SCUBE1: variants seen among roughly 807,000 people sequenced by gnomAD.
SCUBE1 encodes the protein signal peptide, CUB domain and EGF like domain containing 1.
In SCUBE1, 59 loss-of-function variants were observed where a neutral mutation model predicts 124.4. That is an observed-to-expected ratio of 0.47 (90% confidence interval 0.38 to 0.59). The LOEUF is 0.59. Ranked by LOEUF, SCUBE1 falls within the 20% of genes least tolerant of loss-of-function variation. SCUBE1 has a pLI of 0.00. For missense variants in SCUBE1, 1,150 were observed against 1,371.2 expected, an observed-to-expected ratio of 0.84 and a Z score of 2.55; for synonymous variants, 545 against 550.9, an observed-to-expected ratio of 0.99 and a Z score of 0.15.
chr22:43,296,996 G>C (rs1056035222), intron 3 of SCUBE1, among the ~76,000 whole-genome samples: 1 of 152,250 alleles, frequency 6.6e-6, no homozygotes, highest in African/African-American at 2.4e-5. Flanking sequence ...TCAGAGGTGG[G>C]AGAAGGGAAG....
intron 2 of SCUBE1, among the ~76,000 whole-genome samples, chr22:43,337,797 C>A (rs182305898): frequency 3.5e-4 from 54 of 152,342 alleles, no homozygotes; most frequent in African/African-American, 1.2e-3. Flanking sequence ...CTGTAAACGC[C>A]TTATACAGAA....
At chr22:43,319,558 C>CAAAAAAAAAAAAAA (rs35230785) in intron 3 of SCUBE1, among the ~76,000 whole-genome samples, 1 of 55,214 alleles carries the variant, frequency 1.8e-5, no homozygotes, top group African/African-American at 8.3e-5. Flanking sequence ...GACTCCATCT[C>CAAAAAAAAAAAAAA]AAAAAAAAAA....
At chr22:43,250,952 G>A (rs1288483543) in intron 6 of SCUBE1, among the ~76,000 whole-genome samples, 1 of 152,208 alleles carries the variant, frequency 6.6e-6, no homozygotes, top group Non-Finnish European at 1.5e-5. Flanking sequence ...CCACAGGGCT[G>A]GGACTTTGGC....
chr22:43,301,906 G>A (rs1200166582), intron 3 of SCUBE1, among the ~76,000 whole-genome samples: 3 of 152,236 alleles, frequency 2.0e-5, no homozygotes, highest in Non-Finnish European at 4.4e-5. Context: ...GTCCCACCAA[G>A]GATGAGCTGC....
Position 43,211,113 on chromosome 22 carries a change from G to C in SCUBE1, c.2222-30C>G, listed in dbSNP as rs748238475. 13 of 1,584,222 alleles carry C rather than the reference G, an allele frequency of 8.2e-6. No homozygotes were observed. The highest frequency in any genetic ancestry group is 1.0e-5 in the Non-Finnish European group (12 of 1,164,112). On this transcript the variant is annotated intron_variant, in intron 17 of 21. Transcript: ENST00000360835. This position sits in a 1 kb window ranked among gnomAD's most constrained non-coding sequence, Gnocchi z 4.5. ...CGGGGGACACAAGGCAGTGTGGTGG[G>C]TGTGGAGGGGTGCAGGGAAAGGGCA... is the stretch of plus-strand genomic sequence containing the variant.
intron 3 of SCUBE1, among the ~76,000 whole-genome samples, chr22:43,299,715 G>A (rs1925696027): frequency 2.6e-5 from 4 of 152,138 alleles, no homozygotes; most frequent in Admixed American, 2.0e-4. Flanking sequence ...CGTGTTGCAC[G>A]ACCATCACTA....
chr22:43,253,180 G>T (rs531550303), intron 6 of SCUBE1, among the ~76,000 whole-genome samples: 1 of 152,164 alleles, frequency 6.6e-6, no homozygotes, highest in Admixed American at 6.5e-5. Context: ...TTAATACAAC[G>T]TGGGGGGCAC....
chr22:43,216,544 T>C (rs1921818933), intron 15 of SCUBE1, among the ~76,000 whole-genome samples: 1 of 151,866 alleles, frequency 6.6e-6, no homozygotes, highest in Non-Finnish European at 1.5e-5. Context: ...TCCTAGCTAC[T>C]TGGGAGGCTG....
intron 3 of SCUBE1, among the ~76,000 whole-genome samples, chr22:43,318,043 G>A (rs1488792070): frequency 6.6e-6 from 1 of 152,186 alleles, no homozygotes; most frequent in Non-Finnish European, 1.5e-5. Context: ...CTCTCAGAAG[G>A]AACTACCCTG....
chr22:43,340,775 A>G (rs1927287650), intron 1 of SCUBE1, among the ~76,000 whole-genome samples: 1 of 152,186 alleles, frequency 6.6e-6, no homozygotes, highest in South Asian at 2.1e-4. Flanking sequence ...ACAGACAGAC[A>G]GAAGGACCCA....
At chr22:43,315,309 G>C (rs563309708) in intron 3 of SCUBE1, among the ~76,000 whole-genome samples, 14 of 151,844 alleles carry the variant, frequency 9.2e-5, no homozygotes, top group Admixed American at 1.3e-4. Flanking sequence ...AGCTTGGTGG[G>C]CTAGAGGAAC....
chr22:43,308,482 CAAGA>C (rs1402407692), intron 3 of SCUBE1, among the ~76,000 whole-genome samples: 1 of 152,028 alleles, frequency 6.6e-6, no homozygotes, highest in East Asian at 1.9e-4. Flanking sequence ...TTTTTTCCAG[CAAGA>C]AATGTATTTG....
chr22:43,205,321 G>T (rs935169504), intron 21 of SCUBE1, among the ~76,000 whole-genome samples: 5 of 152,018 alleles, frequency 3.3e-5, no homozygotes, highest in African/African-American at 1.2e-4. Context: ...CGCCCTCTCT[G>T]AGCCCCAGTG....
chr22:43,214,291 G>A (rs1245653622), intron 15 of SCUBE1, 40 bp from the exon 16 acceptor site: 1 of 1,579,204 alleles, frequency 6.3e-7, no homozygotes, highest in Admixed American at 1.7e-5. Context: ...AGGCAGAGGT[G>A]GGGAGGCCAG....
At chr22:43,276,249 C>T (rs1924511895) in intron 4 of SCUBE1, among the ~76,000 whole-genome samples, 1 of 152,192 alleles carries the variant, frequency 6.6e-6, no homozygotes, top group Non-Finnish European at 1.5e-5. Context: ...GTGGCCACTG[C>T]TGGTCAGCAA....
chr22:43,279,865 G>T (rs963135510), intron 4 of SCUBE1, among the ~76,000 whole-genome samples: 9 of 152,184 alleles, frequency 5.9e-5, no homozygotes, highest in Admixed American at 2.6e-4. Context: ...TTGGACATGT[G>T]GTCACTAAAG....
Position 43,218,463 on chromosome 22 carries a change from A to AG in SCUBE1, c.1688-6dup, listed in dbSNP as rs1369066509. On this transcript the variant is annotated splice_polypyrimidine_tract_variant and splice_region_variant and intron_variant, in intron 14 of 21. Transcript: ENST00000360835. ...AGCAGTCCGCTTCGCATGTGTCTGC[A>AG]GGGGCAGGAGAGACAGAACATGAAT... 6.2e-7 allele frequency: 1 copy of AG among 1,608,554 alleles called. No homozygotes were observed.
Position 43,258,859 on chromosome 22 carries a change from AG to A in SCUBE1, c.611-525del, listed in dbSNP as rs1923766317. Among the ~76,000 whole-genome samples, 2 of 152,136 alleles carry A rather than the reference AG, an allele frequency of 1.3e-5. No individual in the cohort carries two copies. Among genetic ancestry groups the A allele is most frequent in the South Asian group, 4.1e-4 (2 of 4,828 alleles). ...CACGGAGGTCCCCCCTCAGAGTCCC[AG>A]GGGCCACCTCAAACTCTATCCCCTC... On this transcript the variant is annotated intron_variant, in intron 5 of 21. Transcript: ENST00000360835. This position sits in a 1 kb window ranked among gnomAD's most constrained non-coding sequence, Gnocchi z 5.0.
At chr22:43,275,214 C>T (rs1328171924) in intron 4 of SCUBE1, among the ~76,000 whole-genome samples, 1 of 152,172 alleles carries the variant, frequency 6.6e-6, no homozygotes, top group African/African-American at 2.4e-5. Flanking sequence ...GGAGAGGCCT[C>T]GTGGAGAGAA....
Sources: allele counts gnomAD v4.1 joint callset (sites outside exome capture counted in the v4.1 genomes callset), GRCh38; gene constraint gnomAD v4.1.1; non-coding constraint Gnocchi (gnomAD v3.1); transcripts MANE v1.5; gene names NCBI Gene and HGNC (gene_info 2026-07-23, HGNC 2026-07-21).